The following ADGRL2 variants were observed in gnomAD, a reference collection of about 807,000 sequenced individuals.
The protein encoded by ADGRL2 is adhesion G protein-coupled receptor L2, also known as calcium-independent alpha-latrotoxin receptor 2.
In ADGRL2, 44 loss-of-function variants were observed where a neutral mutation model predicts 157.4. The observed-to-expected ratio is 0.28, with a 90% CI of 0.22 to 0.36. The LOEUF (loss-of-function observed/expected upper bound fraction) is 0.36. Ranked by LOEUF, ADGRL2 falls within the 10% of genes least tolerant of loss-of-function variation. The probability of loss-of-function intolerance (pLI) is 1.00; values close to 1 mark genes in which losing one functional copy is unlikely to be tolerated. For missense variants in ADGRL2, 1,510 were observed against 1,768.9 expected (o/e 0.85, Z 2.63); for synonymous variants, 585 against 624.7 (o/e 0.94, Z 0.95).
intron 3 of ADGRL2, among the ~76,000 whole-genome samples, chr1:81,604,769 G>A (rs2081400336): frequency 6.6e-6 from 1 of 152,084 alleles, no homozygotes; most frequent in South Asian, 2.1e-4. Flanking sequence ...CAGCACATTA[G>A]GATTCACCTG....
At chr1:81,545,952 C>T (rs1462067010) in intron 2 of ADGRL2, among the ~76,000 whole-genome samples, 2 of 152,170 alleles carry the variant, frequency 1.3e-5, no homozygotes, top group Non-Finnish European at 2.9e-5. Flanking sequence ...TCAGTGAGCC[C>T]GTGCTCTCTC....
chr1:81,420,481 C>A (rs2077105383), intron 1 of ADGRL2, among the ~76,000 whole-genome samples: 1 of 152,110 alleles, frequency 6.6e-6, no homozygotes, highest in African/African-American at 2.4e-5. Context: ...TGTTTGAAAC[C>A]AGGAACACTT....
Position 81,971,844 on chromosome 1 carries a change from C to T in ADGRL2, c.2955-8C>T, listed in dbSNP as rs562746278. The T allele has an allele frequency of 8.9e-6, 14 of 1,567,176 alleles. No homozygotes were observed. In the South Asian group the frequency reaches 1.5e-4, roughly 16 times the overall value. ...CTACTAATGCATATTCTTCTCTTTT[C>T]ATAATAGTTGCTGGCTTCATGTTGA... On this transcript the variant is annotated splice_region_variant and splice_polypyrimidine_tract_variant and intron_variant, in intron 16 of 23. Transcript: ENST00000686636.
chr1:81,937,038 G>A (rs1401837494), intron 4 of ADGRL2, among the ~76,000 whole-genome samples: 1 of 151,914 alleles, frequency 6.6e-6, no homozygotes, highest in Non-Finnish European at 1.5e-5. Context: ...GTCTGTCTGT[G>A]TTCTTAAGTG....
At chr1:81,735,567 A>G (rs1417336578) in intron 1 of ADGRL2, among the ~76,000 whole-genome samples, 1 of 152,052 alleles carries the variant, frequency 6.6e-6, no homozygotes, top group Non-Finnish European at 1.5e-5. Context: ...AGGCAGGCAG[A>G]TCACTTGAGG....
intron 1 of ADGRL2, among the ~76,000 whole-genome samples, chr1:81,759,037 T>C (rs901277679): frequency 2.6e-5 from 4 of 152,154 alleles, no homozygotes; most frequent in African/African-American, 9.6e-5. Flanking sequence ...ACATTTTGAA[T>C]ACAGTCTGCT....
chr1:81,662,141 C>T (rs148713459), intron 3 of ADGRL2, among the ~76,000 whole-genome samples: 1,657 of 151,884 alleles, frequency 0.011, 15 homozygotes, highest in Non-Finnish European at 0.019. Context: ...ATTTATCCTT[C>T]GAGTTACAAA....
chr1:81,836,851 C>A, intron 1 of ADGRL2, 34 bp from the exon 2 acceptor site: 1 of 562,452 alleles, frequency 1.8e-6, no homozygotes, highest in East Asian at 3.3e-5. Flanking sequence ...GTAGAAAGAC[C>A]ATAGAGTAAG....
Position 81,416,418 on chromosome 1 carries a change from T to A in ADGRL2, c.-301-28618T>A, listed in dbSNP as rs1193376623. 2.6e-5 allele frequency among the ~76,000 whole-genome samples: 4 copies of A among 152,166 alleles called. No homozygotes were observed. The East Asian group carries it at 7.7e-4, about 29-fold the overall frequency. On this transcript the variant is annotated intron_variant, in intron 1 of 24. Coordinates refer to the ADGRL2 transcript ENST00000370721. The stretch of plus-strand genomic sequence containing the variant: ...TAACAGAGACTTGCTAAAGAGTTTT[T>A]ATGGTTATACTTCAGCTTGTTCCCT...
intron 1 of ADGRL2, among the ~76,000 whole-genome samples, chr1:81,310,159 T>C (rs1659646178): frequency 6.6e-6 from 1 of 152,150 alleles, no homozygotes; most frequent in African/African-American, 2.4e-5. Flanking sequence ...AATGCATGTT[T>C]AAACGGTCTG....
At chr1:81,481,851 C>G (rs532262995) in intron 2 of ADGRL2, among the ~76,000 whole-genome samples, 47 of 152,108 alleles carry the variant, frequency 3.1e-4, no homozygotes, top group Non-Finnish European at 5.9e-4. Flanking sequence ...AAATATGTAG[C>G]CCTTCCCTGT....
At chr1:81,818,229 C>A (rs1198400946) in intron 1 of ADGRL2, among the ~76,000 whole-genome samples, 5 of 152,068 alleles carry the variant, frequency 3.3e-5, no homozygotes, top group African/African-American at 1.2e-4. Flanking sequence ...TTTCAAAAAT[C>A]AGGTATTTCA....
intron 2 of ADGRL2, chr1:81,501,846 C>G: frequency 6.3e-7 from 1 of 1,597,778 alleles, no homozygotes; most frequent in Middle Eastern, 1.7e-4. Context: ...CACCTGGCTC[C>G]TCTGCAGATG....
At chr1:81,374,610 T>A (rs1316899820) in intron 1 of ADGRL2, among the ~76,000 whole-genome samples, 4 of 146,682 alleles carry the variant, frequency 2.7e-5, no homozygotes, top group Non-Finnish European at 6.0e-5. Context: ...GCTAGGAGAC[T>A]AGTGAAATGA....
At chr1:81,470,876 AATAAAGTC>A (rs1425486882) in intron 2 of ADGRL2, among the ~76,000 whole-genome samples, 1 of 152,212 alleles carries the variant, frequency 6.6e-6, no homozygotes, top group African/African-American at 2.4e-5. Context: ...ATTAATTTCA[AATAAAGTC>A]ATTAATGCAC....
upstream of ADGRL2, among the ~76,000 whole-genome samples, chr1:81,699,398 G>A (rs972062090): frequency 2.6e-5 from 4 of 152,190 alleles, no homozygotes; most frequent in Admixed American, 2.0e-4. Context: ...TGAGCATTGT[G>A]TACTACAATG....
chr1:81,369,847 T>A (rs2100977999), intron 1 of ADGRL2, among the ~76,000 whole-genome samples: 1 of 152,272 alleles, frequency 6.6e-6, no homozygotes, highest in Non-Finnish European at 1.5e-5. Flanking sequence ...GCATTGGAAT[T>A]AGGTATTTTT....
chr1:81,310,802 C>T (rs544447036), intron 1 of ADGRL2, among the ~76,000 whole-genome samples: 1 of 147,740 alleles, frequency 6.8e-6, no homozygotes, highest in African/African-American at 2.5e-5. Flanking sequence ...GTGAGACATT[C>T]TTTTCAGATT....
intron 2 of ADGRL2, among the ~76,000 whole-genome samples, chr1:81,848,097 A>G (rs967279053): frequency 6.6e-6 from 1 of 151,796 alleles, no homozygotes; most frequent in African/African-American, 2.4e-5. Flanking sequence ...TAGTGGACAC[A>G]ATCTCCTTTT....
Sources: gnomAD v4.1 joint callset for allele counts (sites outside exome capture counted in the v4.1 genomes callset) on GRCh38, gnomAD v4.1.1 for gene constraint, MANE v1.5 for transcripts, NCBI Gene and HGNC (gene_info 2026-07-23, HGNC 2026-07-21) for gene names.